Variants in CCM2 observed in about 807,000 individuals in gnomAD.
CCM2 encodes CCM2 scaffold protein, also known as cerebral cavernous malformations 2 protein.
In CCM2, 25 loss-of-function variants were observed where a neutral mutation model predicts 44.9. That is an observed-to-expected ratio of 0.56 (90% CI 0.41 to 0.78). The LOEUF (loss-of-function observed/expected upper bound fraction) is 0.78. Among genes scored for constraint, CCM2 ranks in the 30% least tolerant of loss-of-function variants. The pLI, the probability that CCM2 is intolerant of heterozygous loss-of-function variation, is 0.00. For missense variants in CCM2, 481 were observed against 580.6 expected (o/e 0.83, Z 1.76); for synonymous variants, 219 against 241.1 (o/e 0.91, Z 0.85).
intron 1 of CCM2, among the ~76,000 whole-genome samples, chr7:45,011,918 T>C (rs1041327773): frequency 1.3e-5 from 2 of 151,720 alleles, no homozygotes; most frequent in African/African-American, 4.8e-5. Flanking sequence ...CAGGGTGGTC[T>C]TGGACACCTG....
chr7:45,039,441 A>G (rs1407026919), intron 2 of CCM2, among the ~76,000 whole-genome samples: 1 of 152,192 alleles, frequency 6.6e-6, no homozygotes, highest in African/African-American at 2.4e-5. Flanking sequence ...CAGCCTGAAT[A>G]AACTCCAACA....
chr7:45,061,326 T>C (rs1211958745), intron 2 of CCM2, among the ~76,000 whole-genome samples: 3 of 152,192 alleles, frequency 2.0e-5, no homozygotes, highest in African/African-American at 4.8e-5. Context: ...ACATAAACGA[T>C]AGAGGAGGCA....
intron 1 of CCM2, among the ~76,000 whole-genome samples, chr7:45,029,194 C>T (rs964717956): frequency 1.3e-5 from 2 of 152,084 alleles, no homozygotes; most frequent in African/African-American, 4.8e-5. Context: ...TTCTACAGCC[C>T]CAGTGTCTGG....
chr7:45,000,209 C>A lies in CCM2; in HGVS notation c.-125C>A. The A allele has an allele frequency of 2.2e-6, 1 of 444,644 alleles. No individual in the cohort carries two copies. 27.5% of individuals were successfully genotyped at this position (444,644 alleles called of 1,614,324 possible). A position where few individuals can be genotyped will look rare whatever the true frequency, so the allele number is the denominator to read the frequency against. ...TGGGGCGCGGCCGGGGCGGAGACTT[C>A]GGGCCCGGCTGGCGGGCGGCGCCGG... On this transcript the variant is annotated 5_prime_UTR_variant, in exon 1 of 10. Coordinates refer to ENST00000258781, the MANE Select transcript of CCM2 (RefSeq NM_031443.4).
intron 1 of CCM2, among the ~76,000 whole-genome samples, chr7:45,001,147 A>G (rs572974658): frequency 2.6e-5 from 4 of 152,274 alleles, no homozygotes; most frequent in African/African-American, 9.6e-5. Context: ...ATTCCTAACT[A>G]TGATTTTACT....
intron 1 of CCM2, among the ~76,000 whole-genome samples, chr7:45,019,157 C>T (rs189065368): frequency 1.0e-4 from 15 of 148,700 alleles, no homozygotes; most frequent in East Asian, 4.0e-4. Flanking sequence ...TTGCAACCTC[C>T]GCCTCCCGGG....
At chr7:45,008,464 C>T (rs1465209705) in intron 1 of CCM2, among the ~76,000 whole-genome samples, 3 of 150,092 alleles carry the variant, frequency 2.0e-5, no homozygotes, top group Non-Finnish European at 4.4e-5. Flanking sequence ...CAGGTTCAAG[C>T]GATTCTCCTG....
chr7:45,012,576 C>G (rs746535782), intron 1 of CCM2, among the ~76,000 whole-genome samples: 1 of 152,032 alleles, frequency 6.6e-6, no homozygotes, highest in Non-Finnish European at 1.5e-5. Context: ...TAGCAACTGC[C>G]GAAGAGTCTC....
chr7:45,015,312 C>CT (rs1227259844), intron 1 of CCM2, among the ~76,000 whole-genome samples: 1 of 152,090 alleles, frequency 6.6e-6, no homozygotes, highest in Non-Finnish European at 1.5e-5. Context: ...AGTGTATTTG[C>CT]TTTTTTGCTC....
chr7:45,000,073 G>A, upstream of CCM2: 2 of 172,372 alleles, frequency 1.2e-5, no homozygotes, highest in South Asian at 1.7e-4. Flanking sequence ...CTGCGGGTCG[G>A]ATTCCCTTGG....
chr7:45,061,529 A>G (rs998111929), intron 2 of CCM2, among the ~76,000 whole-genome samples: 2 of 143,840 alleles, frequency 1.4e-5, no homozygotes, highest in Admixed American at 7.3e-5. Context: ...GTGCAGTGGC[A>G]CCATCATGAC....
At chr7:45,021,048 C>T (rs1796461878) in intron 1 of CCM2, among the ~76,000 whole-genome samples, 1 of 152,032 alleles carries the variant, frequency 6.6e-6, no homozygotes, top group South Asian at 2.1e-4. Context: ...CTCATGAGGT[C>T]GAGAATATCG....
At chr7:45,045,847 T>C (rs897914568) in intron 2 of CCM2, among the ~76,000 whole-genome samples, 2 of 152,086 alleles carry the variant, frequency 1.3e-5, no homozygotes, top group Non-Finnish European at 2.9e-5. Context: ...TTTTGAACAA[T>C]GAATATGTGG....
chr7:45,023,214 A>G (rs1796550090), intron 1 of CCM2, among the ~76,000 whole-genome samples: 1 of 152,124 alleles, frequency 6.6e-6, no homozygotes. Flanking sequence ...AAGTGAGAGA[A>G]CCATGCCCGG....
Position 45,076,259 on chromosome 7 carries a change from G to C in CCM2, c.*202G>C, listed in dbSNP as rs1357768928. ...ACACGAGCCTCAGTGCGGGGTGGAA[G>C]GCTCTTTGCCTTGTCCACCAGGGCT... On this transcript the variant is annotated 3_prime_UTR_variant, in exon 10 of 10. Transcript: ENST00000258781. 2.6e-6 allele frequency: 2 copies of C among 771,208 alleles called. No individual in the cohort carries two copies. Among genetic ancestry groups the C allele is most frequent in the African/African-American group, 1.7e-5 (1 of 58,514 alleles). The allele number at this position is 771,208 out of a possible 1,614,324, so 47.8% of individuals were successfully genotyped here.
chr7:45,068,155 G>C (rs1006240776), intron 4 of CCM2: 1 of 475,746 alleles, frequency 2.1e-6, no homozygotes, highest in Non-Finnish European at 3.9e-6. Context: ...GGAGGTGACT[G>C]TTCTCAGGGT....
At chr7:45,044,203 C>G (rs572611966) in intron 2 of CCM2, among the ~76,000 whole-genome samples, 1 of 152,084 alleles carries the variant, frequency 6.6e-6, no homozygotes, top group East Asian at 1.9e-4. Flanking sequence ...GTGCAGGCTC[C>G]GCTCACTGCA....
At chr7:45,074,448 G>A in intron 9 of CCM2, 40 bp downstream of exon 9, 1 of 1,545,600 alleles carries the variant, frequency 6.5e-7, no homozygotes, top group Non-Finnish European at 8.9e-7. Context: ...GTCCAAACCT[G>A]GCTTGGAGAG....
intron 1 of CCM2, among the ~76,000 whole-genome samples, chr7:45,035,086 C>T (rs555211966): frequency 4.6e-5 from 7 of 152,102 alleles, no homozygotes; most frequent in African/African-American, 9.6e-5. Context: ...CTACCCACCT[C>T]GGCCTCCCAA....
Sources: allele counts gnomAD v4.1 joint callset (sites outside exome capture counted in the v4.1 genomes callset), GRCh38; gene constraint gnomAD v4.1.1; transcripts MANE v1.5; gene names NCBI Gene and HGNC (gene_info 2026-07-23, HGNC 2026-07-21).